Variants in PMEPA1 observed in about 807,000 individuals in gnomAD.
PMEPA1 encodes the protein protein TMEPAI.
A neutral mutation model predicts 23.0 loss-of-function variants in PMEPA1; 11 were observed. The ratio of observed to expected loss-of-function variants is 0.48; its 90% CI spans 0.30 to 0.79. The LOEUF is 0.79. Among genes scored for constraint, PMEPA1 ranks in the 30% least tolerant of loss-of-function variants. The pLI, the probability that PMEPA1 is intolerant of heterozygous loss-of-function variation, is 0.06. For missense variants in PMEPA1, 377 were observed against 390.9 expected (o/e 0.96, Z 0.30); for synonymous variants, 204 against 166.4 (o/e 1.23, Z -1.74).
chr20:57,677,323 C>T (rs754333727), intron 1 of PMEPA1, among the ~76,000 whole-genome samples: 1 of 152,184 alleles, frequency 6.6e-6, no homozygotes, highest in Admixed American at 6.5e-5. Context: ...CCAGAAAGCA[C>T]CTGGTGTGTA....
At position 57,690,412 on chromosome 20, in the gene PMEPA1, C is replaced by T. The variant is rs971298257; in HGVS notation, c.109+19062G>A. ...AACTTACCTCCATGTGCTGGAATTG[C>T]AGGCATTTTGACTTTTCGCCTGTCA... On this transcript the variant is annotated intron_variant, in intron 1 of 3. Transcript: ENST00000341744. 14 of 1,302,358 alleles carry T rather than the reference C, an allele frequency of 1.1e-5. No individual in the cohort carries two copies. In the Admixed American group the frequency reaches 2.5e-4, roughly 23 times the overall value. 80.7% of individuals were successfully genotyped at this position (1,302,358 alleles called of 1,614,324 possible). A position where few individuals can be genotyped will look rare whatever the true frequency, so the allele number is the denominator to read the frequency against.
At chr20:57,680,811 G>A (rs1208052397) in intron 1 of PMEPA1, among the ~76,000 whole-genome samples, 1 of 152,210 alleles carries the variant, frequency 6.6e-6, no homozygotes, top group Admixed American at 6.5e-5. Context: ...CTTGATCACC[G>A]ATCAACGCAC....
intron 2 of PMEPA1, among the ~76,000 whole-genome samples, chr20:57,653,688 C>A (rs6025702): frequency 0.067 from 10,190 of 152,242 alleles, 491 homozygotes; most frequent in African/African-American, 0.14. Context: ...GACCAGCCCC[C>A]TGGGGCCTCA....
chr20:57,671,487 A>G (rs1426740590), intron 1 of PMEPA1, among the ~76,000 whole-genome samples: 1 of 152,178 alleles, frequency 6.6e-6, no homozygotes, highest in Admixed American at 6.5e-5. Flanking sequence ...CCAGAATCAT[A>G]TCCAGTGGAA....
intron 1 of PMEPA1, among the ~76,000 whole-genome samples, chr20:57,705,848 G>A (rs1214664240): frequency 6.6e-6 from 1 of 152,138 alleles, no homozygotes; most frequent in Non-Finnish European, 1.5e-5. Context: ...GTGGGAGAGG[G>A]GTGCTGGTAA....
rs2072058121 is a variant in PMEPA1 at position 57,704,944 on chromosome 20, C to A, written c.109+4530G>T. Among the ~76,000 whole-genome samples, 1 of 152,212 alleles carries A rather than the reference C, an allele frequency of 6.6e-6. No individual in the cohort carries two copies. Among genetic ancestry groups the A allele is most frequent in the Non-Finnish European group, 1.5e-5 (1 of 68,034 alleles). On this transcript the variant is annotated intron_variant, in intron 1 of 3. Transcript: ENST00000341744. This position sits in a 1 kb window ranked among gnomAD's most constrained non-coding sequence, Gnocchi z 4.6. ...GCCTCCCTTCTCCTGGGCAGCGGCACACAGGGGTCCACCTTCCTTCTTTTA... is the reference window on the plus strand; with the variant it reads ...GCCTCCCTTCTCCTGGGCAGCGGCAAACAGGGGTCCACCTTCCTTCTTTTA...
At position 57,704,648 on chromosome 20, in the gene PMEPA1, C is replaced by T. The variant is rs1393207678; in HGVS notation, c.109+4826G>A. Among the ~76,000 whole-genome samples, 4 of 152,222 alleles carry T rather than the reference C, an allele frequency of 2.6e-5. No individual in the cohort carries two copies. The highest frequency in any genetic ancestry group is 4.4e-5 in the Non-Finnish European group (3 of 68,040). On this transcript the variant is annotated intron_variant, in intron 1 of 3. Transcript: ENST00000341744. The surrounding 1 kb of genome is among the most constrained non-coding windows in gnomAD (Gnocchi z 4.6). ...TAACACCTGAAGAGAGAAGGCCACA[C>T]CGATCCTCAGGTTTGGACCCTGCCA... is the stretch of plus-strand genomic sequence containing the variant.
intron 1 of PMEPA1, chr20:57,700,178 C>G (rs1272665937): frequency 2.1e-6 from 1 of 471,266 alleles, no homozygotes; most frequent in South Asian, 1.5e-5. Context: ...ACTGGGAATC[C>G]ATGACAACCT....
intron 1 of PMEPA1, among the ~76,000 whole-genome samples, chr20:57,664,087 G>A (rs2071459426): frequency 6.6e-6 from 1 of 152,230 alleles, no homozygotes. Flanking sequence ...GGACCATGCA[G>A]TGCCTGCTGG....
chr20:57,689,048 G>A (rs948890884), intron 1 of PMEPA1, among the ~76,000 whole-genome samples: 6 of 152,260 alleles, frequency 3.9e-5, no homozygotes, highest in African/African-American at 1.2e-4. Flanking sequence ...TTTAGACGGT[G>A]TCAGCTAAAC....
rs752968841 is a variant in PMEPA1 at position 57,651,835 on chromosome 20, GTTTTT to G, written c.*213_*217del. ...AGACACAGCTCAACAAAGAAACGTGGTTTTTTTTTTTCTTTTTTCTTTTTTTTTTT... is the reference window on the plus strand; with the variant it reads ...AGACACAGCTCAACAAAGAAACGTGGTTTTTTCTTTTTTCTTTTTTTTTTT... On this transcript the variant is annotated 3_prime_UTR_variant, in exon 4 of 4. Transcript: ENST00000341744. 4.7e-3 allele frequency: 1,435 copies of G among 305,414 alleles called. 11 individuals are homozygous for G. The highest frequency in any genetic ancestry group is 0.03 in the Middle Eastern group (33 of 1,108). The allele number at this position is 305,414 out of a possible 1,614,324, so 18.9% of individuals were successfully genotyped here. A position where few individuals can be genotyped will look rare whatever the true frequency, so the allele number is the denominator to read the frequency against.
intron 1 of PMEPA1, among the ~76,000 whole-genome samples, chr20:57,677,600 A>G (rs1448109931): frequency 6.6e-6 from 1 of 152,218 alleles, no homozygotes; most frequent in Non-Finnish European, 1.5e-5. Context: ...GAGGGCATGG[A>G]TGTGAATGGA....
intron 1 of PMEPA1, among the ~76,000 whole-genome samples, chr20:57,707,359 G>T (rs1286298972): frequency 1.3e-5 from 2 of 152,230 alleles, no homozygotes; most frequent in East Asian, 3.9e-4. Context: ...CAGTATACCT[G>T]CATTTTAAAG....
At chr20:57,684,307 C>T (rs907081494) in intron 1 of PMEPA1, among the ~76,000 whole-genome samples, 13 of 151,556 alleles carry the variant, frequency 8.6e-5, no homozygotes, top group African/African-American at 2.9e-4. Flanking sequence ...GGGAGGGGGG[C>T]AGGGTGACTT....
intron 1 of PMEPA1, among the ~76,000 whole-genome samples, chr20:57,681,268 C>A (rs2071708897): frequency 6.6e-6 from 1 of 152,204 alleles, no homozygotes. Flanking sequence ...AGAAACACCC[C>A]TCCATCACTG....
At position 57,659,540 on chromosome 20, in the gene PMEPA1, T is replaced by C; in HGVS notation, c.264+3A>G. On this transcript the variant is annotated splice_donor_region_variant and intron_variant, in intron 2 of 3. Coordinates refer to ENST00000341744, the MANE Select transcript of PMEPA1 (RefSeq NM_020182.5). ...GCCACAGATGGGATGGCGGGGCACT[T>C]ACTGAGGACAGGGCATCTTCTCTCC... is the stretch of plus-strand genomic sequence containing the variant. 6.2e-7 allele frequency: 1 copy of C among 1,613,432 alleles called. No homozygotes were observed. Among genetic ancestry groups the C allele is most frequent in the African/African-American group, 1.3e-5 (1 of 75,036 alleles).
chr20:57,694,636 C>T (rs147006425), intron 1 of PMEPA1, among the ~76,000 whole-genome samples: 3 of 152,354 alleles, frequency 2.0e-5, no homozygotes, highest in Non-Finnish European at 4.4e-5. Flanking sequence ...CAATTGACTT[C>T]TGCCCTCTGA....
upstream of PMEPA1, chr20:57,710,089 G>C (rs1232541643): frequency 1.0e-6 from 1 of 953,932 alleles, no homozygotes; most frequent in South Asian, 4.7e-5. Context: ...GCCAATCCCC[G>C]CCGAGGTTCC....
chr20:57,679,833 G>A (rs1050426042), intron 1 of PMEPA1, among the ~76,000 whole-genome samples: 2 of 152,346 alleles, frequency 1.3e-5, no homozygotes, highest in Non-Finnish European at 2.9e-5. Context: ...GAGTTTCTAG[G>A]GGAGGAGAGT....
Sources: gnomAD v4.1 joint callset for allele counts (sites outside exome capture counted in the v4.1 genomes callset) on GRCh38, gnomAD v4.1.1 for gene constraint, Gnocchi (gnomAD v3.1) non-coding constraint, MANE v1.5 for transcripts, NCBI Gene and HGNC (gene_info 2026-07-23, HGNC 2026-07-21) for gene names.